Variants in MAP3K2 observed in about 807,000 individuals in gnomAD.
MAP3K2 encodes MAP/ERK kinase kinase 2.
A neutral mutation model predicts 80.3 loss-of-function variants in MAP3K2; 24 were observed. That is an observed-to-expected ratio of 0.30 (90% CI 0.22 to 0.42). The LOEUF (loss-of-function observed/expected upper bound fraction) is 0.42. MAP3K2 is among the 10% of genes least tolerant of loss of function. MAP3K2 has a pLI of 1.00. For synonymous variants in MAP3K2, 244 were observed against 253.7 expected, an observed-to-expected ratio of 0.96 and a Z score of 0.36; for missense variants, 608 against 750.1, an observed-to-expected ratio of 0.81 and a Z score of 2.21.
In MAP3K2 at chr2:127,310,806, C is replaced by G. The variant is rs1281357897; in HGVS notation, c.1457-2044G>C. Among the ~76,000 whole-genome samples the G allele has an allele frequency of 2.0e-5, 3 of 152,018 alleles. No individual in the cohort carries two copies. The highest frequency in any genetic ancestry group is 7.2e-5 in the African/African-American group (3 of 41,404). Reference sequence around the variant, plus strand: ...TCATTTCTCTTCTCATTTTTTTCCACATAGCCCTCATTACTTTGGACCTTC... The same window carrying G: ...TCATTTCTCTTCTCATTTTTTTCCAGATAGCCCTCATTACTTTGGACCTTC... On this transcript the variant is annotated intron_variant, in intron 15 of 16. Transcript: ENST00000682094. The surrounding 1 kb of genome is among the most constrained non-coding windows in gnomAD (Gnocchi z 4.8).
At chr2:127,347,246 G>A (rs542529072) in intron 1 of MAP3K2, among the ~76,000 whole-genome samples, 7 of 151,966 alleles carry the variant, frequency 4.6e-5, no homozygotes, top group African/African-American at 1.5e-4. Context: ...GTCAGAAGAC[G>A]AGGCAAGAAA....
At chr2:127,314,460 A>C (rs566530837) in intron 15 of MAP3K2, among the ~76,000 whole-genome samples, 1 of 152,122 alleles carries the variant, frequency 6.6e-6, no homozygotes, top group Non-Finnish European at 1.5e-5. Context: ...CAGGGATCCT[A>C]CTCTTAGCCA....
chr2:127,369,526 T>TCTTAGATTG (rs1021038480), intron 1 of MAP3K2, among the ~76,000 whole-genome samples: 1 of 143,858 alleles, frequency 7.0e-6, no homozygotes, highest in African/African-American at 2.6e-5. Context: ...AATGACTTCA[T>TCTTAGATTG]CTTAGATTGG....
chr2:127,388,240 A>T (rs1015699005), upstream of MAP3K2: 3 of 862,798 alleles, frequency 3.5e-6, no homozygotes, highest in South Asian at 1.2e-4. Flanking sequence ...TGCGCGGCGC[A>T]TACGCACCTG....
intron 2 of MAP3K2, among the ~76,000 whole-genome samples, chr2:127,342,250 C>G (rs1193808843): frequency 6.6e-6 from 1 of 152,130 alleles, no homozygotes; most frequent in Non-Finnish European, 1.5e-5. Flanking sequence ...CTACTCATGA[C>G]TACAGAAGAG....
chr2:127,342,317 T>C (rs535096115), intron 2 of MAP3K2, among the ~76,000 whole-genome samples: 1 of 144,250 alleles, frequency 6.9e-6, no homozygotes, highest in East Asian at 1.9e-4. Context: ...ACATACTTGC[T>C]ACAATGACAC....
At chr2:127,388,301 C>T, upstream of MAP3K2, 1 of 985,594 alleles carries the variant, frequency 1.0e-6, no homozygotes, top group South Asian at 4.7e-5. Context: ...CCGAGTAGAT[C>T]CCGTGAAAAG....
chr2:127,340,433 C>T (rs1041564225), intron 2 of MAP3K2, among the ~76,000 whole-genome samples: 1 of 152,084 alleles, frequency 6.6e-6, no homozygotes, highest in African/African-American at 2.4e-5. Context: ...CCGAGGGGGG[C>T]AGATCATAAG....
intron 12 of MAP3K2, among the ~76,000 whole-genome samples, chr2:127,320,531 A>G (rs1013137586): frequency 6.6e-6 from 1 of 152,286 alleles, no homozygotes; most frequent in Middle Eastern, 3.4e-3. Flanking sequence ...AGGAATCCCA[A>G]AAGAAAAAGG....
chr2:127,347,193 C>T (rs1686612767), intron 1 of MAP3K2, among the ~76,000 whole-genome samples: 1 of 151,952 alleles, frequency 6.6e-6, no homozygotes, highest in Non-Finnish European at 1.5e-5. Flanking sequence ...TGGGGATGTC[C>T]ACTCTTGCCA....
chr2:127,328,040 C>T (rs144235777), intron 7 of MAP3K2, among the ~76,000 whole-genome samples: 2,168 of 152,256 alleles, frequency 0.014, 48 homozygotes, highest in African/African-American at 0.05. Context: ...TCTGGGAGGC[C>T]AAGGTGGGTG....
intron 1 of MAP3K2, among the ~76,000 whole-genome samples, chr2:127,357,796 A>G (rs1042339998): frequency 6.6e-6 from 1 of 152,174 alleles, no homozygotes; most frequent in East Asian, 1.9e-4. Context: ...CTGTCACCTC[A>G]TAACAGACAA....
chr2:127,382,402 A>G (rs1043252448), intron 1 of MAP3K2, among the ~76,000 whole-genome samples: 29 of 152,356 alleles, frequency 1.9e-4, no homozygotes, highest in African/African-American at 6.5e-4. Flanking sequence ...TTAAAAAAAG[A>G]TATCTGGAAG....
intron 7 of MAP3K2, among the ~76,000 whole-genome samples, chr2:127,327,260 C>G (rs1481061088): frequency 1.3e-5 from 2 of 152,138 alleles, no homozygotes; most frequent in Non-Finnish European, 2.9e-5. Context: ...CATTTAAGTT[C>G]TGGTCCAATT....
intron 1 of MAP3K2, chr2:127,378,083 T>G (rs1687180189): frequency 3.3e-6 from 2 of 601,142 alleles, no homozygotes. Context: ...GCTACAGAGA[T>G]TAAACCTAAG....
rs1274847784 is a variant in MAP3K2 at position 127,318,252 on chromosome 2, A to G, written c.1111T>C (p.Tyr371His). 6.2e-7 allele frequency: 1 copy of G among 1,611,758 alleles called. No individual in the cohort carries two copies. The highest frequency in any genetic ancestry group is 8.5e-7 in the Non-Finnish European group (1 of 1,179,024). ...LLGQGAFGRV[Y>H]LCYDVDTGRE... ...CCTGTATCAACATCATAACAGAGGT[A>G]GACCCTTCCAAAGGCTCCTTGGCCA... The change falls in exon 13 of 17, where the codon TAC becomes CAC. Residue 371 changes from tyrosine (Y) to histidine (H), a missense_variant. Transcript: ENST00000682094.
rs1685586700 is a variant in MAP3K2, at chr2:127,301,203, C to T, written c.*6376G>A. 1 of 152,198 alleles carries T rather than the reference C, an allele frequency of 6.6e-6. No individual in the cohort carries two copies. The highest frequency in any genetic ancestry group is 2.1e-4 in the South Asian group (1 of 4,836). 9.4% of individuals were successfully genotyped at this position (152,198 alleles called of 1,614,324 possible). A position where few individuals can be genotyped will look rare whatever the true frequency, so the allele number is the denominator to read the frequency against. Reference sequence around the variant, plus strand: ...AGACATCAGTCCAGAACCTACTTTTCCTCACAGCTTTGCTGAAATGCCCCT... The same window carrying T: ...AGACATCAGTCCAGAACCTACTTTTTCTCACAGCTTTGCTGAAATGCCCCT... On this transcript the variant is annotated 3_prime_UTR_variant, in exon 17 of 17. Coordinates refer to ENST00000682094, the MANE Select transcript of MAP3K2 (RefSeq NM_001371910.2).
intron 1 of MAP3K2, among the ~76,000 whole-genome samples, chr2:127,372,656 TG>T (rs893490960): frequency 2.6e-5 from 4 of 152,072 alleles, no homozygotes; most frequent in Non-Finnish European, 4.4e-5. Flanking sequence ...ATTAGCCCAA[TG>T]GGGGGGTCAC....
rs749951262 is a variant in MAP3K2, at chr2:127,335,954, G to A, written c.180C>T (p.Pro60=). The A allele has an allele frequency of 6.4e-6, 10 of 1,559,198 alleles. No homozygotes were observed. The highest frequency in any genetic ancestry group is 8.7e-6 in the Non-Finnish European group (10 of 1,146,434). Residue 60 remains proline, a synonymous_variant, in exon 5 of 17, where the codon CCC becomes CCT. Coordinates refer to ENST00000682094, the MANE Select transcript of MAP3K2 (RefSeq NM_001371910.2). ...HRGEKRILQF[P]RPVKLEDLRS... is the part of the protein sequence containing the mutation. Reference sequence around the variant, plus strand: ...TCAGATCTTCCAGTTTAACTGGTCTGGGGAACTGAAGGATTCTATATAAAC... The same window carrying A: ...TCAGATCTTCCAGTTTAACTGGTCTAGGGAACTGAAGGATTCTATATAAAC...
Sources: allele counts gnomAD v4.1 joint callset (sites outside exome capture counted in the v4.1 genomes callset), GRCh38; gene constraint gnomAD v4.1.1; non-coding constraint Gnocchi (gnomAD v3.1); transcripts MANE v1.5; gene names NCBI Gene and HGNC (gene_info 2026-07-23, HGNC 2026-07-21).